KLHL5: variants seen among roughly 807,000 people sequenced by gnomAD.
The protein encoded by KLHL5 is kelch like family member 5.
KLHL5 carries 48 observed loss-of-function variants against 77.7 expected under a neutral mutation model. The observed-to-expected ratio is 0.62, with a 90% CI of 0.49 to 0.79. KLHL5 has a LOEUF of 0.79. KLHL5 is among the 30% of genes least tolerant of loss of function. The pLI is 0.00. For missense variants in KLHL5, 723 were observed against 859.7 expected, an observed-to-expected ratio of 0.84 and a Z score of 1.99; for synonymous variants, 260 against 297.0, an observed-to-expected ratio of 0.88 and a Z score of 1.28.
chr4:39,064,790 T>G (rs1717736929), intron 1 of KLHL5, among the ~76,000 whole-genome samples: 2 of 152,106 alleles, frequency 1.3e-5, no homozygotes, highest in African/African-American at 4.8e-5. Flanking sequence ...GACTGAGAGA[T>G]TGCTATGTGC....
intron 7 of KLHL5, among the ~76,000 whole-genome samples, chr4:39,106,451 C>T (rs1470968275): frequency 6.6e-6 from 1 of 152,156 alleles, no homozygotes; most frequent in Non-Finnish European, 1.5e-5. Context: ...AGGGCACAGC[C>T]CTTACCCGTT....
chr4:39,104,118 A>G (rs1324449817), intron 7 of KLHL5, among the ~76,000 whole-genome samples: 3 of 152,120 alleles, frequency 2.0e-5, no homozygotes, highest in Admixed American at 1.3e-4. Context: ...AAAACTCTCT[A>G]GGGATGAAGA....
At position 39,107,598 on chromosome 4, in the gene KLHL5, GCC is replaced by G. The variant is rs1722144749; in HGVS notation, c.1556_1557del (p.Ala519GlyfsTer5). On this transcript the variant is annotated frameshift_variant, in exon 8 of 11. Coordinates refer to ENST00000504108, the MANE Select transcript of KLHL5 (RefSeq NM_015990.5). LOFTEE classifies it high-confidence loss of function. The stretch of plus-strand genomic sequence containing the variant: ...GGCTGTACTGGAAGGTCCCATGTAT[GCC>G]GTAGGAGGACATGATGGCTGGAGCT... ...GVAVLEGPMYAVGGHDGWSYL... is the reference protein window; with the variant it reads ...GVAVLEGPMYXVGGHDGWSYL... 1 of 1,612,132 alleles carries G rather than the reference GCC, an allele frequency of 6.2e-7. No individual in the cohort carries two copies. Among genetic ancestry groups the G allele is most frequent in the Non-Finnish European group, 8.5e-7 (1 of 1,178,696 alleles).
At chr4:39,051,992 A>G (rs1716687121) in intron 1 of KLHL5, among the ~76,000 whole-genome samples, 1 of 152,232 alleles carries the variant, frequency 6.6e-6, no homozygotes, top group Non-Finnish European at 1.5e-5. Context: ...AACAGAGCCA[A>G]AAGAGTTAAC....
the KLHL5 span, among the ~76,000 whole-genome samples, chr4:39,136,031 TGTGTGTGTGA>T: frequency 8.6e-5 from 13 of 151,068 alleles, no homozygotes; most frequent in Admixed American, 3.3e-4. Context: ...TGTGTGTGTG[TGTGTGTGTGA>T]GATCGCCACT....
chr4:39,119,207 T>C (rs1723048468), intron 10 of KLHL5, among the ~76,000 whole-genome samples: 1 of 152,208 alleles, frequency 6.6e-6, no homozygotes, highest in African/African-American at 2.4e-5. Context: ...ATCATCAGTG[T>C]CCACATAGCT....
At chr4:39,070,297 TG>T (rs1718354715) in intron 1 of KLHL5, among the ~76,000 whole-genome samples, 1 of 152,196 alleles carries the variant, frequency 6.6e-6, no homozygotes, top group Non-Finnish European at 1.5e-5. Flanking sequence ...TAAGAAGGAA[TG>T]CTGGATAGGA....
chr4:39,045,220 GC>G (rs978508864), intron 1 of KLHL5: 22 of 961,074 alleles, frequency 2.3e-5, no homozygotes, highest in Non-Finnish European at 2.5e-5. Flanking sequence ...CGAAGACGCT[GC>G]CCCTCCCGGA....
At chr4:39,120,354 T>TC (rs1454652812) in intron 10 of KLHL5, 1 of 152,194 alleles carries the variant, frequency 6.6e-6, no homozygotes, top group Non-Finnish European at 1.5e-5. Flanking sequence ...TTGCATTCCT[T>TC]CCCCTAGCAA....
chr4:39,095,221 T>C (rs576047124), intron 5 of KLHL5, among the ~76,000 whole-genome samples: 10 of 152,220 alleles, frequency 6.6e-5, no homozygotes, highest in African/African-American at 2.4e-4. Context: ...TTATATTCAC[T>C]TATCAGGAAA....
chr4:39,054,083 CT>C (rs969587898), intron 1 of KLHL5, among the ~76,000 whole-genome samples: 1 of 152,140 alleles, frequency 6.6e-6, no homozygotes, highest in Non-Finnish European at 1.5e-5. Context: ...GCCTTACTTG[CT>C]TTTAGTTTGG....
chr4:39,053,996 C>T (rs539996335), intron 1 of KLHL5, among the ~76,000 whole-genome samples: 12 of 152,260 alleles, frequency 7.9e-5, no homozygotes, highest in African/African-American at 2.9e-4. Context: ...TTACGATGAA[C>T]TTAATTTAAG....
Position 39,103,402 on chromosome 4 carries a change from G to A in KLHL5, c.1416G>A (p.Val472=), listed in dbSNP as rs543659570. 6.2e-7 allele frequency: 1 copy of A among 1,614,166 alleles called. No individual in the cohort carries two copies. The highest frequency in any genetic ancestry group is 8.5e-7 in the Non-Finnish European group (1 of 1,180,018). ...CAGTGCTAGATGACAAACTGTATGTGGTTGGAGGAAGAGATGGACTGAAGA... is the reference window on the plus strand; with the variant it reads ...CAGTGCTAGATGACAAACTGTATGTAGTTGGAGGAAGAGATGGACTGAAGA... ...GVAVLDDKLY[V]VGGRDGLKTL... is the part of the protein sequence containing the mutation. Residue 472 remains valine, a synonymous_variant, in exon 7 of 11, where the codon GTG becomes GTA. Transcript: ENST00000504108.
upstream of KLHL5, among the ~76,000 whole-genome samples, chr4:39,061,184 C>T (rs1303609701): frequency 6.6e-6 from 1 of 152,130 alleles, no homozygotes; most frequent in Non-Finnish European, 1.5e-5. Flanking sequence ...AGCATGAAAT[C>T]ATACTTGGCT....
intron 1 of KLHL5, among the ~76,000 whole-genome samples, chr4:39,069,433 TATA>T (rs1718209363): frequency 1.0e-4 from 2 of 19,664 alleles, no homozygotes; most frequent in Admixed American, 7.2e-4. Flanking sequence ...TAACATTTTA[TATA>T]TATATATATA....
intron 5 of KLHL5, among the ~76,000 whole-genome samples, chr4:39,095,362 C>G (rs1183527147): frequency 6.6e-6 from 1 of 152,040 alleles, no homozygotes; most frequent in Non-Finnish European, 1.5e-5. Context: ...CTATACATGG[C>G]TATAATGGAA....
Position 39,082,000 on chromosome 4 carries a change from G to C in KLHL5, c.741G>C (p.Leu247=). Residue 247 remains leucine, a synonymous_variant, in exon 4 of 11, where the codon CTG becomes CTC. Coordinates refer to ENST00000504108, the MANE Select transcript of KLHL5 (RefSeq NM_015990.5). This position sits in a 1 kb window ranked among gnomAD's most constrained non-coding sequence, Gnocchi z 4.3. ...TAAAAGAAGATAATATTGAGTGCCT[G>C]TTATCTACAGCTTGCCTTCTTCAGC... The part of the protein sequence containing the change: ...LELKEDNIEC[L]LSTACLLQLS... 1 of 1,609,264 alleles carries C rather than the reference G, an allele frequency of 6.2e-7. No individual in the cohort carries two copies. Among genetic ancestry groups the C allele is most frequent in the Non-Finnish European group, 8.5e-7 (1 of 1,178,596 alleles).
chr4:39,087,960 T>C (rs887364545), intron 5 of KLHL5, among the ~76,000 whole-genome samples: 2 of 152,190 alleles, frequency 1.3e-5, no homozygotes, highest in African/African-American at 4.8e-5. Flanking sequence ...TCTTCAGAAA[T>C]AGAATATTGT....
At chr4:39,044,932 G>A (rs1716027009), upstream of KLHL5, 2 of 975,394 alleles carry the variant, frequency 2.1e-6, no homozygotes, top group Non-Finnish European at 2.4e-6. Context: ...GGCTCGCTCC[G>A]GGCCGGCCGG....
Sources: allele counts gnomAD v4.1 joint callset (sites outside exome capture counted in the v4.1 genomes callset), GRCh38; gene constraint gnomAD v4.1.1; non-coding constraint Gnocchi (gnomAD v3.1); transcripts MANE v1.5; gene names NCBI Gene and HGNC (gene_info 2026-07-23, HGNC 2026-07-21).